Variants in UBE2E2 observed in about 807,000 individuals in gnomAD.
UBE2E2 encodes the protein ubiquitin-conjugating enzyme E2 E2.
In UBE2E2, 6 loss-of-function variants were observed where a neutral mutation model predicts 24.7. The ratio of observed to expected loss-of-function variants is 0.24; its 90% CI spans 0.13 to 0.48. UBE2E2 has a LOEUF of 0.48. Ranked by LOEUF, UBE2E2 falls within the 20% of genes least tolerant of loss-of-function variation. The pLI is 0.99. For missense variants in UBE2E2, 169 were observed against 245.0 expected, an observed-to-expected ratio of 0.69 and a Z score of 2.07; for synonymous variants, 104 against 83.6, an observed-to-expected ratio of 1.24 and a Z score of -1.33.
intron 3 of UBE2E2, among the ~76,000 whole-genome samples, chr3:23,399,073 T>C (rs536267936): frequency 2.6e-5 from 4 of 152,220 alleles, no homozygotes; most frequent in Non-Finnish European, 4.4e-5. Flanking sequence ...CACTCATGTA[T>C]TTAATGCCTT....
chr3:23,306,266 G>A (rs1375836227), intron 3 of UBE2E2, among the ~76,000 whole-genome samples: 1 of 152,164 alleles, frequency 6.6e-6, no homozygotes, highest in African/African-American at 2.4e-5. Flanking sequence ...CTGTGTCTCA[G>A]TTCTCTGACT....
At chr3:23,443,074 T>G (rs1698342626) in intron 3 of UBE2E2, among the ~76,000 whole-genome samples, 1 of 152,228 alleles carries the variant, frequency 6.6e-6, no homozygotes, top group Non-Finnish European at 1.5e-5. Context: ...CACAGCATTC[T>G]TCTTTTCTGG....
At chr3:23,239,857 T>G (rs1477028271) in intron 3 of UBE2E2, among the ~76,000 whole-genome samples, 1 of 152,214 alleles carries the variant, frequency 6.6e-6, no homozygotes, top group Non-Finnish European at 1.5e-5. Context: ...TGTACAGAAT[T>G]ACAGAATGAA....
At chr3:23,385,615 A>G (rs993880749) in intron 3 of UBE2E2, among the ~76,000 whole-genome samples, 1 of 152,232 alleles carries the variant, frequency 6.6e-6, no homozygotes, top group African/African-American at 2.4e-5. Context: ...TATGATCTTT[A>G]GCAGAGCCAA....
At chr3:23,553,582 T>C (rs1695702555) in intron 5 of UBE2E2, among the ~76,000 whole-genome samples, 1 of 152,222 alleles carries the variant, frequency 6.6e-6, no homozygotes, top group South Asian at 2.1e-4. Flanking sequence ...TCTGAATGCC[T>C]CTGTTCCCTT....
At chr3:23,537,911 G>GT (rs528975810) in intron 5 of UBE2E2, among the ~76,000 whole-genome samples, 84 of 152,102 alleles carry the variant, frequency 5.5e-4, no homozygotes, top group African/African-American at 1.9e-3. Flanking sequence ...TTTATACCAA[G>GT]TTTGGGAGCC....
At chr3:23,211,607 G>GC (rs1696326287) in intron 2 of UBE2E2, among the ~76,000 whole-genome samples, 1 of 151,850 alleles carries the variant, frequency 6.6e-6, no homozygotes, top group African/African-American at 2.4e-5. Flanking sequence ...TGTTGCTCAG[G>GC]CTGGTCTTGA....
intron 3 of UBE2E2, among the ~76,000 whole-genome samples, chr3:23,495,339 CT>C (rs1167741372): frequency 6.6e-6 from 1 of 152,150 alleles, no homozygotes; most frequent in Admixed American, 6.5e-5. Context: ...ATACTGCTGT[CT>C]TCTGCTTCAG....
chr3:23,330,394 C>T (rs752481034), intron 3 of UBE2E2, among the ~76,000 whole-genome samples: 6 of 152,188 alleles, frequency 3.9e-5, no homozygotes. Context: ...AGAATCCTTA[C>T]AAAAGTAAAC....
At chr3:23,540,388 TTTTGTTTGTTTGTTTG>T (rs112747673) in intron 5 of UBE2E2, among the ~76,000 whole-genome samples, 2 of 148,246 alleles carry the variant, frequency 1.3e-5, no homozygotes, top group Admixed American at 6.7e-5. Context: ...TTTGATGCCC[TTTTGTTTGTTTGTTTG>T]TTTGTTTGTT....
intron 3 of UBE2E2, among the ~76,000 whole-genome samples, chr3:23,435,749 C>G (rs1260500577): frequency 6.6e-6 from 1 of 152,192 alleles, no homozygotes; most frequent in African/African-American, 2.4e-5. Context: ...TAAGGAAGAA[C>G]TGCATCTGGC....
chr3:23,523,093 A>C (rs921955069), intron 4 of UBE2E2, among the ~76,000 whole-genome samples: 4 of 152,354 alleles, frequency 2.6e-5, no homozygotes, highest in Admixed American at 2.0e-4. Flanking sequence ...ATTTAAAAAA[A>C]ACACAAATTT....
At chr3:23,370,969 CTGAG>C (rs894444607) in intron 3 of UBE2E2, among the ~76,000 whole-genome samples, 2 of 152,286 alleles carry the variant, frequency 1.3e-5, no homozygotes, top group African/African-American at 4.8e-5. Flanking sequence ...TAGTTAGAGT[CTGAG>C]TAACTAACAT....
intron 5 of UBE2E2, among the ~76,000 whole-genome samples, chr3:23,567,032 A>G (rs954948952): frequency 1.3e-5 from 2 of 152,134 alleles, no homozygotes; most frequent in African/African-American, 4.8e-5. Flanking sequence ...AAATTTCCAG[A>G]CCAGTCTTAG....
At chr3:23,237,183 C>T (rs796849549) in intron 3 of UBE2E2, among the ~76,000 whole-genome samples, 8 of 152,244 alleles carry the variant, frequency 5.3e-5, no homozygotes, top group African/African-American at 1.9e-4. Context: ...TAGTGCCTGG[C>T]ATATAAGGGC....
rs114273410 is a variant in UBE2E2, at chr3:23,522,068, A to G, written c.361-10486A>G. Among the ~76,000 whole-genome samples, 1,183 of 151,510 alleles carry G rather than the reference A, an allele frequency of 7.8e-3. 16 individuals are homozygous for G. The highest frequency in any genetic ancestry group is 0.027 in the African/African-American group (1,130 of 41,260). ...TTTTAAATCCGTATGTGATTATGTTATTGGATAACTTGTCCTAAGGCACAA... is the reference window on the plus strand; with the variant it reads ...TTTTAAATCCGTATGTGATTATGTTGTTGGATAACTTGTCCTAAGGCACAA... On this transcript the variant is annotated intron_variant, in intron 4 of 5. Transcript: ENST00000396703.
At chr3:23,462,015 T>A (rs778475) in intron 3 of UBE2E2, among the ~76,000 whole-genome samples, 100,641 of 151,986 alleles carry the variant, frequency 0.66, 35,052 homozygotes, top group African/African-American at 0.89. Flanking sequence ...AAGTGATTTG[T>A]CATAAATATC....
At chr3:23,224,689 C>T (rs1696768735) in intron 3 of UBE2E2, among the ~76,000 whole-genome samples, 1 of 151,998 alleles carries the variant, frequency 6.6e-6, no homozygotes, top group African/African-American at 2.4e-5. Flanking sequence ...CTACTTGTTA[C>T]CAAATAAACT....
chr3:23,377,463 G>C (rs978561407), intron 3 of UBE2E2, among the ~76,000 whole-genome samples: 2 of 152,194 alleles, frequency 1.3e-5, no homozygotes, highest in Non-Finnish European at 2.9e-5. Flanking sequence ...AAAGTTTGCA[G>C]GATTTGCAAA....
Sources: gnomAD v4.1 joint callset for allele counts (sites outside exome capture counted in the v4.1 genomes callset) on GRCh38, gnomAD v4.1.1 for gene constraint, MANE v1.5 for transcripts, NCBI Gene and HGNC (gene_info 2026-07-23, HGNC 2026-07-21) for gene names.